CYB561A3: variants seen among roughly 807,000 people sequenced by gnomAD.
CYB561A3 encodes lysosomal membrane ascorbate-dependent ferrireductase CYB561A3.
A neutral mutation model predicts 25.3 loss-of-function variants in CYB561A3; 16 were observed. The ratio of observed to expected loss-of-function variants is 0.63; its 90% CI spans 0.43 to 0.96. CYB561A3 has a LOEUF of 0.96. Among genes scored for constraint, CYB561A3 ranks in the 40% least tolerant of loss-of-function variants. The pLI is 0.00. For synonymous variants in CYB561A3, 131 were observed against 129.9 expected (o/e 1.01, Z -0.06); for missense variants, 219 against 307.5 (o/e 0.71, Z 2.15).
intron 2 of CYB561A3, chr11:61,357,015 A>G: frequency 6.9e-7 from 1 of 1,459,110 alleles, no homozygotes; most frequent in Non-Finnish European, 9.2e-7. Context: ...CCAAGGCCCA[A>G]GACCCAGAGT....
At chr11:61,350,936 T>G in intron 6 of CYB561A3, 55 bp downstream of exon 6, 3 of 1,544,956 alleles carry the variant, frequency 1.9e-6, no homozygotes, top group Admixed American at 2.0e-5. Context: ...TCGTGGGAGA[T>G]CCTTCTCTAG....
At chr11:61,354,177 G>A in intron 3 of CYB561A3, 185 bp from the exon 4 acceptor site, 1 of 648,816 alleles carries the variant, frequency 1.5e-6, no homozygotes, top group African/African-American at 1.8e-5. Flanking sequence ...CATGAAGGGA[G>A]GAGAGAAGGG....
At chr11:61,357,057 A>T (rs1857677447) in intron 2 of CYB561A3, 4 of 1,419,992 alleles carry the variant, frequency 2.8e-6, no homozygotes, top group Non-Finnish European at 3.9e-6. Flanking sequence ...CAGGACCAGA[A>T]GGTAAAGAAT....
chr11:61,349,576 T>G lies in CYB561A3; in HGVS notation c.*823A>C, dbSNP rs1857298579. ...AGCAGGTCACCAGGATTTGTAGGGC[T>G]GCCTGCCGGTGACAGACACGTAAGT... On this transcript the variant is annotated 3_prime_UTR_variant, in exon 7 of 7. Transcript: ENST00000294072. 1.4e-6 allele frequency: 1 copy of G among 702,860 alleles called. No homozygotes were observed. Among genetic ancestry groups the G allele is most frequent in the African/African-American group, 1.7e-5 (1 of 57,262 alleles). The allele number at this position is 702,860 out of a possible 1,614,324, so 43.5% of individuals were successfully genotyped here.
rs574334638 is a variant in CYB561A3, at chr11:61,350,053, G to C, written c.*346C>G. The C allele has an allele frequency of 7.2e-4, 372 of 513,464 alleles. 1 individual carries two copies. The highest frequency in any genetic ancestry group is 3.1e-3 in the South Asian group (140 of 45,378). 31.8% of individuals were successfully genotyped at this position (513,464 alleles called of 1,614,324 possible). ...GACCTCGTGTGAATGGAGGACCTGA[G>C]AGGCTGACGCCAAGGAGTGCAGAAG... On this transcript the variant is annotated 3_prime_UTR_variant, in exon 7 of 7. Coordinates refer to ENST00000294072, the MANE Select transcript of CYB561A3 (RefSeq NM_153611.6).
intron 3 of CYB561A3, among the ~76,000 whole-genome samples, chr11:61,355,828 G>A (rs914120712): frequency 6.6e-6 from 1 of 151,928 alleles, no homozygotes; most frequent in Non-Finnish European, 1.5e-5. Flanking sequence ...GATGGCTCAA[G>A]CCTGTAATCC....
chr11:61,357,152 G>C, intron 2 of CYB561A3: 1 of 1,547,926 alleles, frequency 6.5e-7, no homozygotes, highest in Non-Finnish European at 8.7e-7. Context: ...TGGGTTCTAA[G>C]ATAAGAAGGC....
At position 61,352,984 on chromosome 11, in the gene CYB561A3, C is replaced by G; in HGVS notation, c.548+1G>C. ...AGAGTTGGGGACCCCACTGCACTCA[C>G]AAACTGAAGAAAAGCTTCTCATTAA... On this transcript the variant is annotated splice_donor_variant, in intron 5 of 6. Coordinates refer to ENST00000294072, the MANE Select transcript of CYB561A3 (RefSeq NM_153611.6). LOFTEE classifies it high-confidence loss of function. 1 of 1,614,158 alleles carries G rather than the reference C, an allele frequency of 6.2e-7. No homozygotes were observed. The highest frequency in any genetic ancestry group is 8.5e-7 in the Non-Finnish European group (1 of 1,180,036).
rs1217883414 is a variant in CYB561A3 at position 61,350,090 on chromosome 11, A to G, written c.*309T>C. 2 of 551,750 alleles carry G rather than the reference A, an allele frequency of 3.6e-6. No individual in the cohort carries two copies. The highest frequency in any genetic ancestry group is 6.5e-6 in the Non-Finnish European group (2 of 307,798). The allele number at this position is 551,750 out of a possible 1,614,324, so 34.2% of individuals were successfully genotyped here. A position where few individuals can be genotyped will look rare whatever the true frequency, so the allele number is the denominator to read the frequency against. On this transcript the variant is annotated 3_prime_UTR_variant, in exon 7 of 7. Coordinates refer to ENST00000294072, the MANE Select transcript of CYB561A3 (RefSeq NM_153611.6). ...AAGGAGTGCAGAAGCCAAAGCCACC[A>G]AGGAAAGCAGACAGGCAGCAAGCAG...
rs1565073662 is a variant in CYB561A3 at position 61,360,995 on chromosome 11, AG to A, written c.-112+737del. 2.0e-3 allele frequency: 297 copies of A among 150,916 alleles called. 1 individual carries two copies. The highest frequency in any genetic ancestry group is 6.8e-3 in the African/African-American group (279 of 40,946). 9.3% of individuals were successfully genotyped at this position (150,916 alleles called of 1,614,324 possible). Reference sequence around the variant, plus strand: ...TCTGTCTCAGAAAAAAAAAAAAGAAAGAAAAAGAAAAAGGCTCTACTCCAAA... The same window carrying A: ...TCTGTCTCAGAAAAAAAAAAAAGAAAAAAAAGAAAAAGGCTCTACTCCAAA... On this transcript the variant is annotated intron_variant, in intron 1 of 6. Transcript: ENST00000294072.
intron 2 of CYB561A3, 131 bp from the exon 3 acceptor site, chr11:61,356,859 C>T (rs1443874943): frequency 2.1e-6 from 3 of 1,462,624 alleles, no homozygotes; most frequent in Non-Finnish European, 2.7e-6. Flanking sequence ...CTGCATCAGC[C>T]TGGGCACCAC....
rs1857447870 is a variant in CYB561A3, at chr11:61,352,280, A to G, written c.548+705T>C. 2 of 149,530 alleles carry G rather than the reference A, an allele frequency of 1.3e-5. 1 individual carries two copies. Among genetic ancestry groups the G allele is most frequent in the South Asian group, 4.3e-4 (2 of 4,626 alleles). 9.3% of individuals were successfully genotyped at this position (149,530 alleles called of 1,614,324 possible). A position where few individuals can be genotyped will look rare whatever the true frequency, so the allele number is the denominator to read the frequency against. ...ACTTACTGGCTGTGTGCCCTCGGGT[A>G]AGTTACGTAACCCCTCTGTTCCCTC... is the stretch of plus-strand genomic sequence containing the variant. On this transcript the variant is annotated intron_variant, in intron 5 of 6. Transcript: ENST00000294072.
chr11:61,353,156 G>C lies in CYB561A3; in HGVS notation c.394-17C>G. ...CAGGAACCACTGTGGACAAAAGGGA[G>C]GACACACCCGACTGTGCTATGTGTG... On this transcript the variant is annotated splice_polypyrimidine_tract_variant and intron_variant, in intron 4 of 6. Transcript: ENST00000294072. 6.3e-7 allele frequency: 1 copy of C among 1,588,004 alleles called. No homozygotes were observed. Among genetic ancestry groups the C allele is most frequent in the Non-Finnish European group, 8.6e-7 (1 of 1,168,646 alleles).
chr11:61,356,992 C>A, intron 2 of CYB561A3: 1 of 1,466,776 alleles, frequency 6.8e-7, no homozygotes, highest in Non-Finnish European at 9.0e-7. Flanking sequence ...CTGGCCCTGG[C>A]GAAGGCCAGA....
At position 61,350,307 on chromosome 11, in the gene CYB561A3, T is replaced by G; in HGVS notation, c.*92A>C. On this transcript the variant is annotated 3_prime_UTR_variant, in exon 7 of 7. Transcript: ENST00000294072. ...CCAGCATTGGAAGAAAGTCGCCTGC[T>G]GAAACCAGCCGGGAGCCCTGGGAAG... The G allele has an allele frequency of 7.2e-6, 11 of 1,526,680 alleles. 1 individual carries two copies. In the South Asian group the frequency reaches 1.2e-4, roughly 17 times the overall value. The allele number at this position is 1,526,680 out of a possible 1,614,324, so 94.6% of individuals were successfully genotyped here.
rs1029747428 is a variant in CYB561A3, at chr11:61,349,814, G to A, written c.*585C>T. The A allele has an allele frequency of 6.6e-6, 4 of 607,728 alleles. No homozygotes were observed. The highest frequency in any genetic ancestry group is 2.5e-5 in the Admixed American group (1 of 40,132). The allele number at this position is 607,728 out of a possible 1,614,324, so 37.6% of individuals were successfully genotyped here. A position where few individuals can be genotyped will look rare whatever the true frequency, so the allele number is the denominator to read the frequency against. ...CCCCACCTCACATCCAGATGGGGCT[G>A]GATGGCAGAGCAGATGAAGCCTGCT... On this transcript the variant is annotated 3_prime_UTR_variant, in exon 7 of 7. Transcript: ENST00000294072.
At chr11:61,356,953 C>T in intron 2 of CYB561A3, 1 of 1,452,572 alleles carries the variant, frequency 6.9e-7, no homozygotes, top group Non-Finnish European at 9.0e-7. Context: ...TGGCAGTGCC[C>T]AGACAGAGCA....
chr11:61,355,625 G>T (rs1184954710), intron 3 of CYB561A3, among the ~76,000 whole-genome samples: 2 of 150,940 alleles, frequency 1.3e-5, no homozygotes, highest in South Asian at 2.1e-4. Context: ...AGGTTGCAGT[G>T]AGCCAAGATC....
intron 4 of CYB561A3, 172 bp from the exon 5 acceptor site, chr11:61,353,311 C>T: frequency 1.2e-6 from 1 of 806,356 alleles, no homozygotes. Flanking sequence ...GCCTATTACC[C>T]AAGCAACAAG....
Sources: allele counts gnomAD v4.1 joint callset (sites outside exome capture counted in the v4.1 genomes callset), GRCh38; gene constraint gnomAD v4.1.1; transcripts MANE v1.5; gene names NCBI Gene and HGNC (gene_info 2026-07-23, HGNC 2026-07-21).